PCSK6: variants seen among roughly 807,000 people sequenced by gnomAD.
PCSK6 encodes the protein proprotein convertase subtilisin/kexin type 6, also known as paired basic amino acid cleaving enzyme 4.
A neutral mutation model predicts 123.3 loss-of-function variants in PCSK6; 85 were observed. The ratio of observed to expected loss-of-function variants is 0.69; its 90% confidence interval spans 0.58 to 0.83. PCSK6 has a LOEUF of 0.83. Ranked by LOEUF, PCSK6 falls within the 40% of genes least tolerant of loss-of-function variation. The pLI is 0.00. For synonymous variants in PCSK6, 508 were observed against 516.0 expected (o/e 0.98, Z 0.21); for missense variants, 1,191 against 1,282.3 (o/e 0.93, Z 1.09).
chr15:101,455,974 G>T lies in PCSK6; in HGVS notation c.298-12314C>A, dbSNP rs552965129. Reference sequence around the variant, plus strand: ...TGTATGCTAAGAAGTCAGGGGACCAGGTCCCAGCCCATCTCTGCACCCTTG... The same window carrying T: ...TGTATGCTAAGAAGTCAGGGGACCATGTCCCAGCCCATCTCTGCACCCTTG... On this transcript the variant is annotated intron_variant, in intron 1 of 21. Coordinates refer to ENST00000611716, the MANE Select transcript of PCSK6 (RefSeq NM_002570.5). Among the ~76,000 whole-genome samples the T allele has an allele frequency of 2.4e-4, 37 of 152,320 alleles. No individual in the cohort carries two copies. In the East Asian group the frequency reaches 3.9e-3, roughly 16 times the overall value.
intron 6 of PCSK6, among the ~76,000 whole-genome samples, chr15:101,426,396 T>A (rs2056256026): frequency 6.6e-6 from 1 of 152,192 alleles, no homozygotes; most frequent in Non-Finnish European, 1.5e-5. Flanking sequence ...TTGGCCCGAT[T>A]CTACAGATCC....
chr15:101,445,578 G>T (rs1226486724), intron 1 of PCSK6, among the ~76,000 whole-genome samples: 2 of 152,050 alleles, frequency 1.3e-5, no homozygotes, highest in African/African-American at 2.4e-5. Context: ...AAAGTTAACT[G>T]CCACACGTGT....
In PCSK6 at chr15:101,346,355, T is replaced by C. The variant is rs568800213; in HGVS notation, c.1859-14324A>G. The C allele has an allele frequency of 5.2e-5, 8 of 152,636 alleles. 1 individual carries two copies. Among genetic ancestry groups the C allele is most frequent in the African/African-American group, 1.9e-4 (8 of 41,598 alleles). 9.5% of individuals were successfully genotyped at this position (152,636 alleles called of 1,614,324 possible). ...TTATGGTGCTTCTGTTGGTGAAGTATTATAAAAATCTATAAAATGCTGCTT... is the reference window on the plus strand; with the variant it reads ...TTATGGTGCTTCTGTTGGTGAAGTACTATAAAAATCTATAAAATGCTGCTT... On this transcript the variant is annotated intron_variant, in intron 13 of 21. Transcript: ENST00000611716.
intron 7 of PCSK6, among the ~76,000 whole-genome samples, chr15:101,393,754 C>T (rs58453985): frequency 8.5e-5 from 13 of 152,316 alleles, no homozygotes; most frequent in South Asian, 2.1e-4. Flanking sequence ...TCATTTCCAT[C>T]GCAATGGCCT....
At chr15:101,356,458 A>C (rs2041043410) in intron 13 of PCSK6, among the ~76,000 whole-genome samples, 1 of 148,834 alleles carries the variant, frequency 6.7e-6, no homozygotes, top group Admixed American at 6.9e-5. Flanking sequence ...TCAGGAGTTC[A>C]AGACCAGCCC....
chr15:101,315,865 C>T (rs750820357), intron 19 of PCSK6, among the ~76,000 whole-genome samples: 86 of 152,270 alleles, frequency 5.6e-4, no homozygotes, highest in Non-Finnish European at 1.2e-3. Context: ...TGCCAGGACA[C>T]ACGGGGCACC....
At chr15:101,462,428 T>C (rs752103454) in intron 1 of PCSK6, among the ~76,000 whole-genome samples, 5 of 152,200 alleles carry the variant, frequency 3.3e-5, no homozygotes, top group Admixed American at 6.5e-5. Flanking sequence ...ACTTGTCAAG[T>C]TGATTCAAAG....
intron 1 of PCSK6, among the ~76,000 whole-genome samples, chr15:101,478,875 T>C (rs1282804728): frequency 1.3e-5 from 2 of 152,342 alleles, no homozygotes; most frequent in African/African-American, 2.4e-5. Context: ...ACAAACCTGC[T>C]AGAGCTCAGC....
At chr15:101,456,238 C>T (rs2047217) in intron 1 of PCSK6, among the ~76,000 whole-genome samples, 37,951 of 121,842 alleles carry the variant, frequency 0.31, 4,887 homozygotes, top group South Asian at 0.42. Context: ...GTCCCCTCCA[C>T]GTGCTGATTC....
At position 101,331,706 on chromosome 15, in the gene PCSK6, T is replaced by C; in HGVS notation, c.2039-17A>G. 1 of 1,609,044 alleles carries C rather than the reference T, an allele frequency of 6.2e-7. No homozygotes were observed. The highest frequency in any genetic ancestry group is 8.5e-7 in the Non-Finnish European group (1 of 1,178,716). On this transcript the variant is annotated splice_polypyrimidine_tract_variant and intron_variant, in intron 14 of 21. Transcript: ENST00000611716. ...TGGATTGAGCTGTGTGAGTGCAAAT[T>C]GCCATGATTATTATGACTCCCAGGC... is the stretch of plus-strand genomic sequence containing the variant.
chr15:101,388,019 C>T (rs1391232811), intron 9 of PCSK6, among the ~76,000 whole-genome samples: 2 of 152,226 alleles, frequency 1.3e-5, no homozygotes, highest in Non-Finnish European at 1.5e-5. Context: ...TGAGCTTTCA[C>T]ATGCCCACTG....
rs1383608058 is a variant in PCSK6 at position 101,489,393 on chromosome 15, C to T, written c.278G>A (p.Gly93Glu). ...AEADRVAAAHGYLNLGQIGNL... is the reference protein window; with the variant it reads ...AEADRVAAAHEYLNLGQIGNL... Reference sequence around the variant, plus strand: ...ACTCACCTGGCCCAAGTTGAGGTACCCGTGCGCCGCCGCCACGCGGTCCGC... The same window carrying T: ...ACTCACCTGGCCCAAGTTGAGGTACTCGTGCGCCGCCGCCACGCGGTCCGC... Residue 93 changes from glycine to glutamate, a missense_variant, in exon 1 of 22, where the codon GGG (glycine) becomes GAG (glutamate). By Grantham distance (98) the Gly-to-Glu change is moderately conservative. Around this residue, in one of 3 missense-constraint regions of PCSK6, gnomAD observed 204 missense variants for 166.4 expected, o/e 1.23. Coordinates refer to ENST00000611716, the MANE Select transcript of PCSK6 (RefSeq NM_002570.5). 1.6e-6 allele frequency: 2 copies of T among 1,267,394 alleles called. No homozygotes were observed. The highest frequency in any genetic ancestry group is 1.5e-5 in the South Asian group (1 of 65,836). The allele number at this position is 1,267,394 out of a possible 1,614,324, so 78.5% of individuals were successfully genotyped here. A position where few individuals can be genotyped will look rare whatever the true frequency, so the allele number is the denominator to read the frequency against.
intron 1 of PCSK6, among the ~76,000 whole-genome samples, chr15:101,466,753 C>T (rs1298792480): frequency 1.9e-5 from 1 of 51,512 alleles, no homozygotes; most frequent in Non-Finnish European, 5.2e-5. Context: ...CAAAAAGACC[C>T]TATTATTACT....
intron 13 of PCSK6, 146 bp from the exon 14 acceptor site, chr15:101,332,177 G>C (rs1298494275): frequency 4.5e-5 from 31 of 686,052 alleles, no homozygotes; most frequent in Middle Eastern, 3.9e-4. Flanking sequence ...CTGGCCAGCT[G>C]TGCACCTATT....
intron 6 of PCSK6, among the ~76,000 whole-genome samples, chr15:101,423,479 C>G (rs996150882): frequency 6.6e-6 from 1 of 152,082 alleles, no homozygotes; most frequent in African/African-American, 2.4e-5. Flanking sequence ...CCAGTCTGGT[C>G]TTGAACTCCT....
intron 1 of PCSK6, among the ~76,000 whole-genome samples, chr15:101,481,167 T>C (rs555214970): frequency 2.6e-5 from 4 of 152,260 alleles, no homozygotes; most frequent in Admixed American, 6.5e-5. Context: ...CAGAGCCCAG[T>C]GTCAGAAACA....
At chr15:101,484,190 C>T (rs2141274512) in intron 1 of PCSK6, among the ~76,000 whole-genome samples, 1 of 152,152 alleles carries the variant, frequency 6.6e-6, no homozygotes, top group Admixed American at 6.5e-5. Context: ...ATACACACAC[C>T]CACACACATA....
chr15:101,437,053 G>C (rs1378232827), intron 2 of PCSK6, among the ~76,000 whole-genome samples: 5 of 152,174 alleles, frequency 3.3e-5, no homozygotes, highest in Non-Finnish European at 5.9e-5. Context: ...AATGGTGCCG[G>C]CATGAGCATG....
chr15:101,474,297 C>G (rs1056660435), intron 1 of PCSK6, among the ~76,000 whole-genome samples: 2 of 152,180 alleles, frequency 1.3e-5, no homozygotes, highest in Non-Finnish European at 2.9e-5. Context: ...CCTAAATAAA[C>G]TCCAACTGGG....
Sources: allele counts gnomAD v4.1 joint callset (sites outside exome capture counted in the v4.1 genomes callset), GRCh38; gene constraint gnomAD v4.1.1; regional missense constraint gnomAD v4.1.1; transcripts MANE v1.5; gene names NCBI Gene and HGNC (gene_info 2026-07-23, HGNC 2026-07-21).